The following TMEM117 variants were observed in gnomAD, a reference collection of about 807,000 sequenced individuals.
TMEM117 encodes transmembrane protein 117.
In TMEM117, 27 loss-of-function variants were observed where a neutral mutation model predicts 52.4. The ratio of observed to expected loss-of-function variants is 0.51; its 90% confidence interval spans 0.38 to 0.71. The LOEUF is 0.71. Among genes scored for constraint, TMEM117 ranks in the 30% least tolerant of loss-of-function variants. The pLI is 0.00. For missense variants in TMEM117, 556 were observed against 630.5 expected (o/e 0.88, Z 1.26); for synonymous variants, 215 against 206.3 (o/e 1.04, Z -0.36).
At chr12:44,356,720 T>C (rs967727555) in intron 6 of TMEM117, among the ~76,000 whole-genome samples, 2 of 152,112 alleles carry the variant, frequency 1.3e-5, no homozygotes, top group African/African-American at 4.8e-5. Flanking sequence ...TTTGGTTCCC[T>C]TATCCAATAT....
chr12:43,916,792 G>A (rs1944610830), intron 2 of TMEM117, among the ~76,000 whole-genome samples: 1 of 152,090 alleles, frequency 6.6e-6, no homozygotes, highest in Admixed American at 6.6e-5. Context: ...GGAATTGAAA[G>A]GGCTAAACAT....
At position 44,311,813 on chromosome 12, in the gene TMEM117, GTATATATA is replaced by G. The variant is rs1224645268; in HGVS notation, c.768+12076_768+12083del. Among the ~76,000 whole-genome samples the G allele has an allele frequency of 4.2e-4, 39 of 93,282 alleles. 1 individual carries two copies. The highest frequency in any genetic ancestry group is 1.2e-3 in the African/African-American group (22 of 18,114). 61.2% of individuals were successfully genotyped at this position (93,282 alleles called of 152,430 possible). On this transcript the variant is annotated intron_variant, in intron 6 of 7. Coordinates refer to ENST00000266534, the MANE Select transcript of TMEM117 (RefSeq NM_032256.3). ...TATATATATGTATATATGTATATAT[GTATATATA>G]TGTATATATGTATATATGTATATAT...
the TMEM117 span, among the ~76,000 whole-genome samples, chr12:43,809,371 C>T: frequency 6.6e-6 from 1 of 152,152 alleles, no homozygotes; most frequent in Non-Finnish European, 1.5e-5. Flanking sequence ...GTTGTATGAC[C>T]ATGAACAACA....
chr12:44,011,631 AAT>A (rs1946290973), intron 3 of TMEM117, among the ~76,000 whole-genome samples: 1 of 150,678 alleles, frequency 6.6e-6, no homozygotes, highest in Admixed American at 6.6e-5. Context: ...GCAGCATGAA[AAT>A]AGAGTAATAT....
intron 3 of TMEM117, among the ~76,000 whole-genome samples, chr12:44,053,879 CTTA>C (rs1048119362): frequency 1.4e-4 from 22 of 152,104 alleles, no homozygotes; most frequent in African/African-American, 5.1e-4. Context: ...ATTTTAACAT[CTTA>C]TTATAGAATG....
chr12:44,149,944 A>G (rs778358886), intron 4 of TMEM117, among the ~76,000 whole-genome samples: 10 of 152,210 alleles, frequency 6.6e-5, no homozygotes, highest in Non-Finnish European at 1.2e-4. Context: ...GAGCAAACTC[A>G]TTGGACACAT....
At chr12:44,289,208 C>T (rs900682941) in intron 5 of TMEM117, among the ~76,000 whole-genome samples, 1 of 149,632 alleles carries the variant, frequency 6.7e-6, no homozygotes, top group African/African-American at 2.5e-5. Context: ...TCTTTTAAGG[C>T]TGAATACTAT....
chr12:43,915,985 T>A (rs1455841352), intron 2 of TMEM117, among the ~76,000 whole-genome samples: 1 of 152,106 alleles, frequency 6.6e-6, no homozygotes, highest in Non-Finnish European at 1.5e-5. Flanking sequence ...AAAGGACTGC[T>A]GTGGCCATTA....
chr12:44,207,868 T>C (rs910682362), intron 4 of TMEM117, among the ~76,000 whole-genome samples: 2 of 151,834 alleles, frequency 1.3e-5, no homozygotes, highest in Admixed American at 1.3e-4. Context: ...GCTCTGGAAA[T>C]AGTGCACATA....
At chr12:44,354,695 A>G (rs1221416169) in intron 6 of TMEM117, among the ~76,000 whole-genome samples, 2 of 151,992 alleles carry the variant, frequency 1.3e-5, no homozygotes, top group Non-Finnish European at 2.9e-5. Context: ...ATCTATGACA[A>G]ACCCACAGCC....
chr12:43,938,227 G>C (rs1402975603), intron 2 of TMEM117, among the ~76,000 whole-genome samples: 1 of 147,650 alleles, frequency 6.8e-6, no homozygotes, highest in Non-Finnish European at 1.5e-5. Context: ...GGGGCAACAA[G>C]GCTATATTAT....
chr12:44,175,241 G>A (rs938564700), intron 4 of TMEM117, among the ~76,000 whole-genome samples: 1 of 152,138 alleles, frequency 6.6e-6, no homozygotes, highest in Non-Finnish European at 1.5e-5. Context: ...TGTTGATGGT[G>A]GAGAAGAGAG....
intron 3 of TMEM117, among the ~76,000 whole-genome samples, chr12:43,981,589 A>G (rs1176203219): frequency 6.6e-6 from 1 of 152,162 alleles, no homozygotes; most frequent in East Asian, 1.9e-4. Flanking sequence ...AATATAGATA[A>G]GATTTCTGCT....
intron 3 of TMEM117, among the ~76,000 whole-genome samples, chr12:44,044,083 T>G (rs1946843787): frequency 6.6e-6 from 1 of 152,182 alleles, no homozygotes; most frequent in Non-Finnish European, 1.5e-5. Context: ...GTGGAGTGGA[T>G]TAATCACTTT....
intron 2 of TMEM117, among the ~76,000 whole-genome samples, chr12:43,921,364 T>G (rs1211789026): frequency 6.6e-6 from 1 of 152,208 alleles, no homozygotes; most frequent in Non-Finnish European, 1.5e-5. Flanking sequence ...TTTACATTTT[T>G]TTAGTTAGTA....
chr12:44,120,577 C>T (rs1409443893), intron 3 of TMEM117, among the ~76,000 whole-genome samples: 1 of 152,166 alleles, frequency 6.6e-6, no homozygotes, highest in Non-Finnish European at 1.5e-5. Context: ...TACTAGCTTC[C>T]CCTGTGCCTG....
intron 4 of TMEM117, among the ~76,000 whole-genome samples, chr12:44,178,177 T>G (rs966563816): frequency 2.6e-5 from 4 of 152,186 alleles, no homozygotes; most frequent in African/African-American, 9.6e-5. Flanking sequence ...TTAGATACAC[T>G]GTTAATTTAG....
chr12:43,952,312 G>A (rs1010357927), intron 3 of TMEM117, among the ~76,000 whole-genome samples: 1 of 152,084 alleles, frequency 6.6e-6, no homozygotes, highest in Non-Finnish European at 1.5e-5. Flanking sequence ...ACAGAAGTAG[G>A]CTTTAGAGAG....
chr12:44,088,845 G>A (rs1947615913), intron 3 of TMEM117, among the ~76,000 whole-genome samples: 1 of 152,200 alleles, frequency 6.6e-6, no homozygotes, highest in East Asian at 1.9e-4. Flanking sequence ...GGGCTGAACT[G>A]TTGCCTCCAG....
Sources: allele counts gnomAD v4.1 joint callset (sites outside exome capture counted in the v4.1 genomes callset), GRCh38; gene constraint gnomAD v4.1.1; transcripts MANE v1.5; gene names NCBI Gene and HGNC (gene_info 2026-07-23, HGNC 2026-07-21).